DENND1A: variants seen among roughly 807,000 people sequenced by gnomAD.
DENND1A encodes the protein DENN domain containing 1A.
DENND1A carries 51 observed loss-of-function variants against 113.7 expected under a neutral mutation model. The observed-to-expected ratio is 0.45, with a 90% CI of 0.36 to 0.57. The LOEUF (loss-of-function observed/expected upper bound fraction) is 0.57, where lower values mean the gene tolerates loss of function less well. Ranked by LOEUF, DENND1A falls within the 20% of genes least tolerant of loss-of-function variation. DENND1A has a pLI of 0.00. For synonymous variants in DENND1A, 565 were observed against 570.8 expected, an observed-to-expected ratio of 0.99 and a Z score of 0.14; for missense variants, 1,258 against 1,395.9, an observed-to-expected ratio of 0.90 and a Z score of 1.57.
intron 11 of DENND1A, among the ~76,000 whole-genome samples, chr9:123,606,749 G>A (rs1357310356): frequency 1.3e-5 from 2 of 152,220 alleles, no homozygotes; most frequent in Non-Finnish European, 2.9e-5. Flanking sequence ...CACCTGTGTG[G>A]CATCCTGTTA....
At chr9:123,615,081 G>A (rs1353001912) in intron 10 of DENND1A, among the ~76,000 whole-genome samples, 1 of 152,214 alleles carries the variant, frequency 6.6e-6, no homozygotes, top group East Asian at 1.9e-4. Context: ...TTTGGGCTTA[G>A]TGAGAGCGAT....
intron 13 of DENND1A, among the ~76,000 whole-genome samples, chr9:123,552,258 A>G (rs2057135870): frequency 6.6e-6 from 1 of 152,046 alleles, no homozygotes; most frequent in African/African-American, 2.4e-5. Context: ...CCTCAGAGGG[A>G]GGAGGTGGGC....
chr9:123,803,580 T>C (rs1241796631), intron 2 of DENND1A, among the ~76,000 whole-genome samples: 1 of 152,162 alleles, frequency 6.6e-6, no homozygotes, highest in Non-Finnish European at 1.5e-5. Context: ...TACGTGACCC[T>C]TGCAAAGGTC....
At chr9:123,552,057 G>GAGAC (rs1261038317) in intron 13 of DENND1A, among the ~76,000 whole-genome samples, 9 of 152,076 alleles carry the variant, frequency 5.9e-5, no homozygotes, top group Non-Finnish European at 1.2e-4. Flanking sequence ...GAGAGAGAGA[G>GAGAC]AGAGAGAGAG....
At chr9:123,547,131 G>T (rs1042593995) in intron 13 of DENND1A, among the ~76,000 whole-genome samples, 2 of 152,256 alleles carry the variant, frequency 1.3e-5, no homozygotes, top group African/African-American at 4.8e-5. Context: ...GACGTGGGCA[G>T]TGGAGATTTG....
In DENND1A at chr9:123,495,863, T is replaced by C. The variant is rs549476612; in HGVS notation, c.994-37966A>G. ...AGGGCACCATTGTTCCTTAGCGGTATACATGCTTCATTCTAGTAATTAGCT... is the reference window on the plus strand; with the variant it reads ...AGGGCACCATTGTTCCTTAGCGGTACACATGCTTCATTCTAGTAATTAGCT... On this transcript the variant is annotated intron_variant, in intron 13 of 23. Transcript: ENST00000394215. 1.4e-4 allele frequency among the ~76,000 whole-genome samples: 21 copies of C among 152,398 alleles called. No homozygotes were observed. The East Asian group carries it at 3.7e-3, about 27-fold the overall frequency.
chr9:123,440,459 TG>T lies in DENND1A; in HGVS notation c.1388del (p.Pro463GlnfsTer84). ...DIAENGCAPT[P>X]EEQLPKTAPS... ...GTGCAGTCTTTGGCAGCTGCTCTTC[TG>T]GGGTGGGGGCGCAGCCATTCTCGGC... On this transcript the variant is annotated frameshift_variant, in exon 19 of 24. Coordinates refer to ENST00000394215, the MANE Select transcript of DENND1A (RefSeq NM_001352964.2). LOFTEE classifies it high-confidence loss of function. The T allele has an allele frequency of 6.4e-7, 1 of 1,572,712 alleles. No individual in the cohort carries two copies.
At chr9:123,877,455 C>T (rs1334777685) in intron 2 of DENND1A, among the ~76,000 whole-genome samples, 2 of 151,890 alleles carry the variant, frequency 1.3e-5, no homozygotes, top group Non-Finnish European at 2.9e-5. Context: ...TGCCATTGCA[C>T]TCCAGCCTGG....
intron 5 of DENND1A, among the ~76,000 whole-genome samples, chr9:123,678,169 T>A (rs1216666289): frequency 6.6e-6 from 1 of 152,198 alleles, no homozygotes; most frequent in Non-Finnish European, 1.5e-5. Flanking sequence ...ATGTCTGTTT[T>A]CTCAACAGAC....
chr9:123,685,236 C>T (rs2064735031), intron 5 of DENND1A, among the ~76,000 whole-genome samples: 1 of 152,164 alleles, frequency 6.6e-6, no homozygotes, highest in African/African-American at 2.4e-5. Flanking sequence ...TCAAAGCAAC[C>T]TCAATAAGAG....
Position 123,886,192 on chromosome 9 carries a change from T to G in DENND1A, c.18-7171A>C, listed in dbSNP as rs562592031. 7.9e-5 allele frequency among the ~76,000 whole-genome samples: 12 copies of G among 152,288 alleles called. No homozygotes were observed. The South Asian group carries it at 2.1e-3, about 26-fold the overall frequency. On this transcript the variant is annotated intron_variant, in intron 1 of 23. Transcript: ENST00000394215. ...TTAATGGCGTTTTTTGTTTTGTTTT[T>G]TTTTTCAAGGCATCATGCTATTGAT...
chr9:123,635,666 G>A (rs2061667460), intron 9 of DENND1A, among the ~76,000 whole-genome samples: 3 of 152,312 alleles, frequency 2.0e-5, no homozygotes, highest in African/African-American at 7.2e-5. Context: ...ATCATTTCCT[G>A]GGGATTAGTT....
intron 1 of DENND1A, among the ~76,000 whole-genome samples, chr9:123,927,586 A>G (rs1857331645): frequency 6.6e-6 from 1 of 152,232 alleles, no homozygotes; most frequent in Non-Finnish European, 1.5e-5. Context: ...TTTTACCTTC[A>G]GGGAAACTGA....
At chr9:123,847,737 C>A (rs957797212) in intron 2 of DENND1A, among the ~76,000 whole-genome samples, 2 of 152,148 alleles carry the variant, frequency 1.3e-5, no homozygotes, top group African/African-American at 4.8e-5. Flanking sequence ...GAGTTTGAGA[C>A]CTGCCTGGCC....
At chr9:123,761,486 G>A (rs150493037) in intron 4 of DENND1A, among the ~76,000 whole-genome samples, 177 of 152,306 alleles carry the variant, frequency 1.2e-3, no homozygotes, top group African/African-American at 4.2e-3. Flanking sequence ...AGTAGAGGAA[G>A]AAGTCTGCTT....
chr9:123,810,387 G>A (rs1836350756), intron 2 of DENND1A, among the ~76,000 whole-genome samples: 1 of 152,006 alleles, frequency 6.6e-6, no homozygotes, highest in Non-Finnish European at 1.5e-5. Context: ...CAGTATTGGG[G>A]AAGGCAGGTA....
At chr9:123,715,865 G>A (rs1369553359) in intron 5 of DENND1A, among the ~76,000 whole-genome samples, 1 of 151,996 alleles carries the variant, frequency 6.6e-6, no homozygotes, top group Non-Finnish European at 1.5e-5. Flanking sequence ...TAATAGAGAT[G>A]GGGTTTTGCC....
chr9:123,792,656 A>G (rs1459190028), intron 2 of DENND1A, 26 bp from the exon 3 acceptor site: 1 of 1,612,226 alleles, frequency 6.2e-7, no homozygotes, highest in East Asian at 2.2e-5. Context: ...AGATAATATT[A>G]ATTGGCTTTG....
chr9:123,463,485 G>T lies in DENND1A; in HGVS notation c.994-5588C>A, dbSNP rs145600934. Among the ~76,000 whole-genome samples the T allele has an allele frequency of 4.4e-3, 667 of 152,230 alleles. 4 individuals carry two copies. The highest frequency in any genetic ancestry group is 0.015 in the African/African-American group (633 of 41,532). On this transcript the variant is annotated intron_variant, in intron 13 of 23. Transcript: ENST00000394215. ...TTTCAGCAAGTTTCCTTGTTCTGAA[G>T]ACCCATAGAGTATTACATTCTTCTT...
Sources: gnomAD v4.1 joint callset for allele counts (sites outside exome capture counted in the v4.1 genomes callset) on GRCh38, gnomAD v4.1.1 for gene constraint, MANE v1.5 for transcripts, NCBI Gene and HGNC (gene_info 2026-07-23, HGNC 2026-07-21) for gene names.